Variants in ZNF730 observed in about 807,000 individuals in gnomAD.
ZNF730 encodes zinc finger protein 730, also known as putative zinc finger protein 730.
ZNF730 carries 12 observed loss-of-function variants against 12.6 expected under a neutral mutation model. The observed-to-expected ratio is 0.95, with a 90% confidence interval of 0.61 to 1.54. ZNF730 has a LOEUF of 1.54. ZNF730 is among the 40% of genes most tolerant of loss of function. The pLI is 0.00. For missense variants in ZNF730, 643 were observed against 583.5 expected (o/e 1.10, Z -1.05); for synonymous variants, 194 against 195.8 (o/e 0.99, Z 0.08).
In ZNF730 at chr19:23,136,299, C is replaced by T. The variant is rs544601469; in HGVS notation, c.226+256C>T. 7.2e-5 allele frequency among the ~76,000 whole-genome samples: 11 copies of T among 152,314 alleles called. No individual in the cohort carries two copies. In the East Asian group the frequency reaches 1.3e-3, roughly 19 times the overall value. On this transcript the variant is annotated intron_variant, in intron 3 of 3. Transcript: ENST00000597761. Reference sequence around the variant, plus strand: ...TTACAGTGAGAGCCAAAGTCCATTTCATGGCATATAATAGACTGCACAATC... The same window carrying T: ...TTACAGTGAGAGCCAAAGTCCATTTTATGGCATATAATAGACTGCACAATC...
intron 1 of ZNF730, among the ~76,000 whole-genome samples, chr19:23,090,229 A>G (rs1020505889): frequency 2.0e-5 from 3 of 151,454 alleles, no homozygotes; most frequent in African/African-American, 7.3e-5. Flanking sequence ...CTGGCAACAA[A>G]ATGAGACTCC....
chr19:23,143,820 G>T (rs961245816), intron 3 of ZNF730: 1 of 152,084 alleles, frequency 6.6e-6, no homozygotes, highest in South Asian at 2.1e-4. Flanking sequence ...GACTATGTTT[G>T]TATATGACAC....
chr19:23,121,079 G>T (rs1970592488), intron 1 of ZNF730, among the ~76,000 whole-genome samples: 2 of 152,104 alleles, frequency 1.3e-5, no homozygotes, highest in Admixed American at 1.3e-4. Flanking sequence ...GTATGATTTG[G>T]GTATTATTAA....
At chr19:23,119,226 T>A (rs890368777) in intron 1 of ZNF730, among the ~76,000 whole-genome samples, 5 of 152,202 alleles carry the variant, frequency 3.3e-5, no homozygotes, top group African/African-American at 1.2e-4. Flanking sequence ...ATGCCAAGTT[T>A]GTTGAGGGTG....
chr19:23,126,101 T>C (rs1382404139), intron 1 of ZNF730, among the ~76,000 whole-genome samples: 1 of 152,170 alleles, frequency 6.6e-6, no homozygotes, highest in Non-Finnish European at 1.5e-5. Context: ...CCAGGATACA[T>C]GAATGAACTA....
chr19:23,124,687 C>T (rs1319545514), intron 1 of ZNF730, among the ~76,000 whole-genome samples: 5 of 152,192 alleles, frequency 3.3e-5, no homozygotes, highest in Admixed American at 1.3e-4. Flanking sequence ...GTTTGTTCCT[C>T]CCTCATACAA....
Position 23,134,193 on chromosome 19 carries a change from C to T in ZNF730, c.117C>T (p.Asn39=), listed in dbSNP as rs1253805118. 5 of 1,607,816 alleles carry T rather than the reference C, an allele frequency of 3.1e-6. No homozygotes were observed. In the African/African-American group the frequency reaches 5.4e-5, roughly 17 times the overall value. ...YRNVMLDNYR[N]LVFLGIAVSK... is the part of the protein sequence containing the mutation. Reference sequence around the variant, plus strand: ...ATGTAATGTTAGATAACTACAGAAACCTGGTCTTCCTGGGTGAGGATAACT... The same window carrying T: ...ATGTAATGTTAGATAACTACAGAAATCTGGTCTTCCTGGGTGAGGATAACT... The change falls in exon 2 of 4, where the codon AAC becomes AAT. Residue 39 remains asparagine (N), a synonymous_variant. Transcript: ENST00000597761.
intron 1 of ZNF730, among the ~76,000 whole-genome samples, chr19:23,076,107 A>G (rs1599559246): frequency 6.6e-6 from 1 of 152,178 alleles, no homozygotes; most frequent in African/African-American, 2.4e-5. Context: ...GTAAAATTAT[A>G]AATTTCCACT....
At chr19:23,138,782 T>A (rs954151798) in intron 3 of ZNF730, among the ~76,000 whole-genome samples, 1 of 152,210 alleles carries the variant, frequency 6.6e-6, no homozygotes, top group Non-Finnish European at 1.5e-5. Flanking sequence ...CCCAGACTAG[T>A]CTTGAAATCT....
intron 1 of ZNF730, chr19:23,127,584 C>A: frequency 1.1e-6 from 1 of 940,120 alleles, no homozygotes; most frequent in South Asian, 1.3e-5. Context: ...ATAAATTGCT[C>A]ATGTTGCTGA....
intron 3 of ZNF730, among the ~76,000 whole-genome samples, chr19:23,144,848 T>G (rs988470857): frequency 9.2e-5 from 14 of 152,132 alleles, no homozygotes; most frequent in African/African-American, 3.1e-4. Flanking sequence ...TTCAGAACTT[T>G]TTGTCATAAG....
intron 3 of ZNF730, among the ~76,000 whole-genome samples, chr19:23,141,311 C>G (rs1048417036): frequency 4.0e-5 from 6 of 151,842 alleles, no homozygotes; most frequent in Admixed American, 3.3e-4. Context: ...AGGGGAATCA[C>G]TTGAACCCAG....
chr19:23,144,634 A>G (rs1433530012), intron 3 of ZNF730, among the ~76,000 whole-genome samples: 1 of 144,604 alleles, frequency 6.9e-6, no homozygotes, highest in Non-Finnish European at 1.5e-5. Context: ...TGGGAGGCAG[A>G]GGTTTCAGTG....
rs531582703 is a variant in ZNF730, at chr19:23,102,486, T to A, written c.-94+27099T>A. 1.2e-3 allele frequency among the ~76,000 whole-genome samples: 178 copies of A among 152,038 alleles called. 1 individual carries two copies. The highest frequency in any genetic ancestry group is 3.4e-3 in the Middle Eastern group (1 of 294). ...TGTGATGATGTTGATCCTTTTTTTTTTTTTATTTTATTTATTTTTTTTATT... is the reference window on the plus strand; with the variant it reads ...TGTGATGATGTTGATCCTTTTTTTTATTTTATTTTATTTATTTTTTTTATT... On this transcript the variant is annotated intron_variant, in intron 1 of 2. Transcript: ENST00000593635.
Position 23,146,248 on chromosome 19 carries a change from G to A in ZNF730, c.1204G>A (p.Gly402Ser). The change falls in exon 4 of 4, where the codon GGC becomes AGC. Residue 402 changes from glycine to serine, a missense_variant. Transcript: ENST00000597761. ...GAAATTTTACAAATGTGAAGAATGT[G>A]GCAAAGCCTTTAGCCGTATCTCACA... is the stretch of plus-strand genomic sequence containing the variant. ...VEKFYKCEEC[G>S]KAFSRISHLT... The A allele has an allele frequency of 6.2e-7, 1 of 1,613,428 alleles. No individual in the cohort carries two copies. The highest frequency in any genetic ancestry group is 1.7e-5 in the Admixed American group (1 of 59,958).
At position 23,110,177 on chromosome 19, in the gene ZNF730, G is replaced by A. The variant is rs1294600806; in HGVS notation, c.-93-23903G>A. Among the ~76,000 whole-genome samples the A allele has an allele frequency of 7.4e-5, 9 of 121,980 alleles. No individual in the cohort carries two copies. In the East Asian group the frequency reaches 1.6e-3, roughly 22 times the overall value. 80.0% of individuals were successfully genotyped at this position (121,980 alleles called of 152,430 possible). ...AGAAGGGGTTTCACCATGTTGATCA[G>A]GCTGGATGGTCTCGAACTTCTGACC... On this transcript the variant is annotated intron_variant, in intron 1 of 2. Coordinates refer to the ZNF730 transcript ENST00000593635.
intron 1 of ZNF730, among the ~76,000 whole-genome samples, chr19:23,122,189 T>G (rs1192627915): frequency 7.7e-6 from 1 of 130,204 alleles, no homozygotes; most frequent in Non-Finnish European, 1.6e-5. Context: ...TCGCCCAGGC[T>G]GGAATACAAT....
chr19:23,117,189 G>C lies in ZNF730; in HGVS notation c.3+13G>C. 1 of 1,613,956 alleles carries C rather than the reference G, an allele frequency of 6.2e-7. No individual in the cohort carries two copies. Among genetic ancestry groups the C allele is most frequent in the Non-Finnish European group, 8.5e-7 (1 of 1,179,858 alleles). On this transcript the variant is annotated intron_variant, in intron 1 of 3. Coordinates refer to ENST00000597761, the MANE Select transcript of ZNF730 (RefSeq NM_001277403.2). ...AAGCCTAGAAATGGTGAGAGTGCCG[G>C]TCCGACATCCCGAGAGAGGGAACGG... is the stretch of plus-strand genomic sequence containing the variant.
upstream of ZNF730, among the ~76,000 whole-genome samples, chr19:23,112,171 A>T (rs1382761791): frequency 2.0e-5 from 3 of 152,144 alleles, no homozygotes; most frequent in African/African-American, 7.2e-5. Flanking sequence ...CTTTAATTGT[A>T]AACCCATAGG....
Sources: allele counts gnomAD v4.1 joint callset (sites outside exome capture counted in the v4.1 genomes callset), GRCh38; gene constraint gnomAD v4.1.1; transcripts MANE v1.5; gene names NCBI Gene and HGNC (gene_info 2026-07-23, HGNC 2026-07-21).